PDE4D: variants seen among roughly 807,000 people sequenced by gnomAD.
The protein encoded by PDE4D is 3',5'-cyclic-AMP phosphodiesterase 4D.
In PDE4D, 24 loss-of-function variants were observed where a neutral mutation model predicts 87.4. The ratio of observed to expected loss-of-function variants is 0.27; its 90% CI spans 0.20 to 0.39. The LOEUF is 0.39. Among genes scored for constraint, PDE4D ranks in the 10% least tolerant of loss-of-function variants. PDE4D has a pLI of 1.00. For missense variants in PDE4D, 714 were observed against 1,041.0 expected (o/e 0.69, Z 4.32); for synonymous variants, 384 against 383.2 (o/e 1.00, Z -0.02).
intron 9 of PDE4D, among the ~76,000 whole-genome samples, chr5:58,990,305 C>A: frequency 6.6e-6 from 1 of 152,102 alleles, no homozygotes; most frequent in East Asian, 1.9e-4. Context: ...CCATTTCGGT[C>A]CCGAGATATC....
chr5:59,606,945 A>G (rs295959), intron 1 of PDE4D, among the ~76,000 whole-genome samples: 113,200 of 151,276 alleles, frequency 0.75, 42,720 homozygotes, highest in South Asian at 0.87. Flanking sequence ...GAAGGGGGGG[A>G]AGGGGACATG....
At chr5:59,816,204 TA>T (rs1554090883) in intron 1 of PDE4D, among the ~76,000 whole-genome samples, 1 of 152,206 alleles carries the variant, frequency 6.6e-6, no homozygotes, top group Non-Finnish European at 1.5e-5. Context: ...GTAAACAAAA[TA>T]AACACCTGTC....
intron 6 of PDE4D, among the ~76,000 whole-genome samples, chr5:59,024,027 G>A (rs556864902): frequency 2.0e-5 from 3 of 149,704 alleles, no homozygotes; most frequent in East Asian, 2.0e-4. Flanking sequence ...TCAGCCTCCC[G>A]AGTAGCTGAG....
intron 1 of PDE4D, among the ~76,000 whole-genome samples, chr5:59,570,418 TAC>T (rs1024594716): frequency 2.4e-4 from 37 of 152,306 alleles, no homozygotes; most frequent in African/African-American, 8.7e-4. Flanking sequence ...TGCCAAAGAA[TAC>T]AGTTTTCTAA....
intron 2 of PDE4D, among the ~76,000 whole-genome samples, chr5:60,047,250 TTC>T (rs1361190373): frequency 6.6e-6 from 1 of 152,216 alleles, no homozygotes; most frequent in African/African-American, 2.4e-5. Flanking sequence ...TATTTGATTC[TTC>T]TCTCTTTTTT....
intron 5 of PDE4D, among the ~76,000 whole-genome samples, chr5:59,071,683 C>CTTTTTTTTTTTTTTTTTTTTTTT: frequency 1.2e-5 from 1 of 82,406 alleles, no homozygotes; most frequent in Non-Finnish European, 2.1e-5. Context: ...TATTTCTCTT[C>CTTTTTTTTTTTTTTTTTTTTTTT]TTTTTTTTTT....
intron 1 of PDE4D, among the ~76,000 whole-genome samples, chr5:59,740,528 C>T (rs958879490): frequency 1.3e-5 from 2 of 152,234 alleles, no homozygotes; most frequent in African/African-American, 4.8e-5. Flanking sequence ...AGGCAGTTTG[C>T]TTTTCTTGTA....
At chr5:60,259,318 A>C (rs186194696) in intron 1 of PDE4D, among the ~76,000 whole-genome samples, 15 of 152,214 alleles carry the variant, frequency 9.9e-5, no homozygotes, top group African/African-American at 3.6e-4. Context: ...GCATTGTACA[A>C]GGTGAACGAT....
In PDE4D at chr5:60,211,152, C is replaced by A. The variant is rs960124704; in HGVS notation, c.-89-25465G>T. ...TCCGAGCTCGGTGACGCTCAGTAGA[C>A]CAAGAACGAAACCGTCATTCCGGAA... On this transcript the variant is annotated intron_variant, in intron 1 of 16. Transcript: ENST00000502484. Among the ~76,000 whole-genome samples, 3 of 152,284 alleles carry A rather than the reference C, an allele frequency of 2.0e-5. No homozygotes were observed. The East Asian group carries it at 5.8e-4, about 29-fold the overall frequency.
intron 1 of PDE4D, among the ~76,000 whole-genome samples, chr5:59,689,770 G>A (rs1198320093): frequency 1.3e-5 from 2 of 152,134 alleles, no homozygotes; most frequent in African/African-American, 4.8e-5. Flanking sequence ...AGGAAAAGAG[G>A]AAGTCAAATT....
intron 6 of PDE4D, among the ~76,000 whole-genome samples, chr5:59,031,120 C>T (rs1327262313): frequency 6.6e-6 from 1 of 151,984 alleles, no homozygotes; most frequent in Non-Finnish European, 1.5e-5. Context: ...AGCCCTTCTA[C>T]ACTGTTGGTG....
At chr5:59,512,353 G>A (rs1810428266) in intron 1 of PDE4D, among the ~76,000 whole-genome samples, 1 of 152,068 alleles carries the variant, frequency 6.6e-6, no homozygotes, top group South Asian at 2.1e-4. Context: ...CTTGTAGCAC[G>A]CATGTCTAAT....
At chr5:59,235,306 C>T (rs958404609) in intron 1 of PDE4D, among the ~76,000 whole-genome samples, 2 of 152,134 alleles carry the variant, frequency 1.3e-5, no homozygotes, top group Non-Finnish European at 2.9e-5. Context: ...GAATTATTCC[C>T]AAAGGCCTTT....
At chr5:59,479,625 C>G (rs1803902579) in intron 1 of PDE4D, among the ~76,000 whole-genome samples, 1 of 17,064 alleles carries the variant, frequency 5.9e-5, no homozygotes, top group Non-Finnish European at 1.3e-4. Flanking sequence ...GAGATCATCA[C>G]ATGTATCAGA....
At chr5:59,210,020 A>AG (rs1749730183) in intron 2 of PDE4D, among the ~76,000 whole-genome samples, 1 of 152,184 alleles carries the variant, frequency 6.6e-6, no homozygotes, top group African/African-American at 2.4e-5. Context: ...CCACAGGGTG[A>AG]GGGGTGAGGA....
chr5:60,218,380 G>A (rs1744112394), intron 1 of PDE4D, among the ~76,000 whole-genome samples: 2 of 151,936 alleles, frequency 1.3e-5, no homozygotes, highest in Non-Finnish European at 2.9e-5. Flanking sequence ...GGGATGAGAA[G>A]AGATTTTTTA....
chr5:60,273,636 G>A (rs926483575), intron 1 of PDE4D, among the ~76,000 whole-genome samples: 6 of 152,166 alleles, frequency 3.9e-5, no homozygotes, highest in African/African-American at 1.4e-4. Context: ...CAGAGAAGTA[G>A]AGGCAAAATG....
chr5:60,353,662 C>T (rs1759375134), intron 1 of PDE4D, among the ~76,000 whole-genome samples: 1 of 152,166 alleles, frequency 6.6e-6, no homozygotes, highest in South Asian at 2.1e-4. Context: ...ATGGTTCCAG[C>T]TTTCACAGGG....
At chr5:59,661,559 T>C (rs1745258662) in intron 1 of PDE4D, among the ~76,000 whole-genome samples, 2 of 152,192 alleles carry the variant, frequency 1.3e-5, no homozygotes, top group African/African-American at 4.8e-5. Context: ...AGTAATTGAG[T>C]CATACTCCTG....
Sources: gnomAD v4.1 joint callset for allele counts (sites outside exome capture counted in the v4.1 genomes callset) on GRCh38, gnomAD v4.1.1 for gene constraint, MANE v1.5 for transcripts, NCBI Gene and HGNC (gene_info 2026-07-23, HGNC 2026-07-21) for gene names.